Variants in CSMD1 observed in about 807,000 individuals in gnomAD.
The protein encoded by CSMD1 is CUB and Sushi multiple domains 1, also known as CUB and sushi domain-containing protein 1.
A neutral mutation model predicts 417.5 loss-of-function variants in CSMD1; 213 were observed. The ratio of observed to expected loss-of-function variants is 0.51; its 90% CI spans 0.46 to 0.57. The LOEUF is 0.57. CSMD1 is among the 20% of genes least tolerant of loss of function. CSMD1 has a pLI of 0.00. For missense variants in CSMD1, 6,923 were observed against 4,529.7 expected (o/e 1.53, Z -15.17); for synonymous variants, 2,862 against 1,736.8 (o/e 1.65, Z -16.11).
intron 3 of CSMD1, among the ~76,000 whole-genome samples, chr8:4,356,746 G>A (rs546207452): frequency 4.6e-5 from 7 of 152,006 alleles, no homozygotes; most frequent in East Asian, 1.9e-4. Context: ...CACCTTCTCC[G>A]GCCGTGAATG....
chr8:3,943,308 T>C (rs961799790), intron 5 of CSMD1, among the ~76,000 whole-genome samples: 3 of 151,348 alleles, frequency 2.0e-5, no homozygotes, highest in African/African-American at 7.3e-5. Context: ...CCTTGACAAC[T>C]GCAGAACTAG....
At chr8:4,079,640 C>A (rs769563127) in intron 3 of CSMD1, among the ~76,000 whole-genome samples, 1 of 152,236 alleles carries the variant, frequency 6.6e-6, no homozygotes, top group Non-Finnish European at 1.5e-5. Flanking sequence ...AATTGATACA[C>A]AGACACATTG....
intron 36 of CSMD1, among the ~76,000 whole-genome samples, chr8:3,182,314 T>C (rs1371615310): frequency 6.6e-6 from 1 of 152,148 alleles, no homozygotes; most frequent in Admixed American, 6.5e-5. Flanking sequence ...TGGCACAATC[T>C]TGGGATTCTC....
At chr8:3,554,918 C>T (rs534725067) in intron 10 of CSMD1, among the ~76,000 whole-genome samples, 3 of 152,202 alleles carry the variant, frequency 2.0e-5, no homozygotes, top group South Asian at 2.1e-4. Flanking sequence ...ACCTGGCAAG[C>T]AGCCACACAG....
At chr8:4,292,297 G>C (rs1797414161) in intron 3 of CSMD1, among the ~76,000 whole-genome samples, 1 of 152,056 alleles carries the variant, frequency 6.6e-6, no homozygotes, top group Non-Finnish European at 1.5e-5. Flanking sequence ...CTGTCGCCCA[G>C]GCTGGAGTGC....
chr8:3,487,835 T>C (rs542267771), intron 11 of CSMD1, among the ~76,000 whole-genome samples: 168 of 152,264 alleles, frequency 1.1e-3, no homozygotes, highest in African/African-American at 3.9e-3. Flanking sequence ...GTAAAAATCC[T>C]CAAGGCATTG....
intron 2 of CSMD1, among the ~76,000 whole-genome samples, chr8:4,567,900 A>G (rs948978978): frequency 6.6e-6 from 1 of 152,210 alleles, no homozygotes; most frequent in African/African-American, 2.4e-5. Context: ...TTTTTTAATG[A>G]GTTCACTTAA....
At chr8:3,932,642 A>T (rs949714506) in intron 5 of CSMD1, among the ~76,000 whole-genome samples, 2 of 150,488 alleles carry the variant, frequency 1.3e-5, no homozygotes, top group African/African-American at 2.5e-5. Context: ...GACATTTTGC[A>T]TGTTATTAGG....
At chr8:3,404,739 A>G (rs1481721089) in intron 15 of CSMD1, among the ~76,000 whole-genome samples, 2 of 152,074 alleles carry the variant, frequency 1.3e-5, no homozygotes, top group African/African-American at 4.8e-5. Flanking sequence ...TTACAAAGTT[A>G]TTATCATGAG....
intron 2 of CSMD1, among the ~76,000 whole-genome samples, chr8:4,457,299 T>C (rs1799546539): frequency 2.0e-5 from 3 of 152,144 alleles, no homozygotes; most frequent in Non-Finnish European, 2.9e-5. Context: ...ATTGCATCTT[T>C]CTAAGACTAC....
chr8:4,294,888 A>C (rs565956400), intron 3 of CSMD1, among the ~76,000 whole-genome samples: 1 of 151,844 alleles, frequency 6.6e-6, no homozygotes, highest in Non-Finnish European at 1.5e-5. Flanking sequence ...AGTAGCTGTC[A>C]ATGTGTATGG....
intron 1 of CSMD1, among the ~76,000 whole-genome samples, chr8:4,946,044 G>A (rs935866604): frequency 5.3e-5 from 8 of 152,140 alleles, no homozygotes; most frequent in African/African-American, 1.9e-4. Flanking sequence ...TCTCCCGTCT[G>A]CTGTGGTCCT....
intron 26 of CSMD1, among the ~76,000 whole-genome samples, chr8:3,267,905 A>G (rs945354745): frequency 6.6e-6 from 1 of 152,062 alleles, no homozygotes; most frequent in Non-Finnish European, 1.5e-5. Context: ...CTGGGGTGGG[A>G]GATCAAAGGG....
chr8:3,024,866 T>C (rs888359836), intron 51 of CSMD1, among the ~76,000 whole-genome samples: 8 of 150,916 alleles, frequency 5.3e-5, no homozygotes, highest in Non-Finnish European at 2.9e-5. Flanking sequence ...AAATCCATGT[T>C]GGAGGGAAAC....
At chr8:4,662,059 G>C (rs1804641825) in intron 1 of CSMD1, among the ~76,000 whole-genome samples, 3 of 152,024 alleles carry the variant, frequency 2.0e-5, no homozygotes, top group African/African-American at 7.2e-5. Context: ...ACTGTGTTGA[G>C]ACATTATATT....
At chr8:4,648,213 T>C (rs1399791550) in intron 1 of CSMD1, among the ~76,000 whole-genome samples, 1 of 152,246 alleles carries the variant, frequency 6.6e-6, no homozygotes, top group Admixed American at 6.5e-5. Flanking sequence ...ATAAATGTCT[T>C]CTTTTGAGAA....
intron 7 of CSMD1, chr8:3,702,382 T>C (rs62474752): frequency 0.95 from 145,081 of 152,262 alleles, 69,177 homozygotes; most frequent in East Asian, 1. Flanking sequence ...TGTTTATCTT[T>C]CTTCCTAGAG....
At chr8:4,019,001 T>C (rs1796656209) in intron 4 of CSMD1, among the ~76,000 whole-genome samples, 1 of 152,268 alleles carries the variant, frequency 6.6e-6, no homozygotes, top group Admixed American at 6.5e-5. Context: ...TACCACACTT[T>C]CTTAAAATCT....
chr8:4,621,572 A>G lies in CSMD1; in HGVS notation c.302+15770T>C, dbSNP rs115512261. 8.7e-3 allele frequency among the ~76,000 whole-genome samples: 1,328 copies of G among 152,272 alleles called. 23 individuals carry two copies. Among genetic ancestry groups the G allele is most frequent in the African/African-American group, 0.03 (1,243 of 41,556 alleles). On this transcript the variant is annotated intron_variant, in intron 2 of 69. Coordinates refer to ENST00000635120, the MANE Select transcript of CSMD1 (RefSeq NM_033225.6). ...GAATTTTTTATTTAAGATTTCTAAA[A>G]GAAAACTCCAGGAGCAGATTTTTCT...
Sources: allele counts gnomAD v4.1 joint callset (sites outside exome capture counted in the v4.1 genomes callset), GRCh38; gene constraint gnomAD v4.1.1; transcripts MANE v1.5; gene names NCBI Gene and HGNC (gene_info 2026-07-23, HGNC 2026-07-21).